The following PRELID2 variants were observed in gnomAD, a reference collection of about 807,000 sequenced individuals.
PRELID2 encodes the protein PRELI domain containing 2.
PRELID2 carries 25 observed loss-of-function variants against 28.4 expected under a neutral mutation model. The observed-to-expected ratio is 0.88, with a 90% confidence interval of 0.64 to 1.23. PRELID2 has a LOEUF of 1.23. PRELID2 is among the 50% of genes most tolerant of loss of function. PRELID2 has a pLI of 0.00. For missense variants in PRELID2, 201 were observed against 214.4 expected (o/e 0.94, Z 0.39); for synonymous variants, 76 against 71.6 (o/e 1.06, Z -0.31).
the PRELID2 span, among the ~76,000 whole-genome samples, chr5:145,299,025 T>A: frequency 3.3e-5 from 5 of 152,092 alleles, no homozygotes; most frequent in Non-Finnish European, 7.4e-5. Context: ...TACTTATATA[T>A]TTCTAATTTT....
chr5:145,473,586 A>G (rs1293604784), intron 1 of PRELID2, among the ~76,000 whole-genome samples: 1 of 152,210 alleles, frequency 6.6e-6, no homozygotes, highest in African/African-American at 2.4e-5. Context: ...TATTATTATT[A>G]CTATTACTCT....
chr5:145,316,664 C>G, the PRELID2 span, among the ~76,000 whole-genome samples: 1 of 152,110 alleles, frequency 6.6e-6, no homozygotes, highest in Non-Finnish European at 1.5e-5. Flanking sequence ...TGAACTTAGG[C>G]CTAGATCTGA....
downstream of PRELID2, among the ~76,000 whole-genome samples, chr5:145,468,993 T>C (rs577909421): frequency 6.6e-6 from 1 of 152,148 alleles, no homozygotes; most frequent in East Asian, 1.9e-4. Flanking sequence ...CCTTATTTTA[T>C]TTTTAAGTTA....
In PRELID2 at chr5:145,759,647, T is replaced by C. The variant is rs1413847909; in HGVS notation, c.*889A>G. The C allele has an allele frequency of 2.0e-5, 3 of 152,228 alleles. No individual in the cohort carries two copies. The highest frequency in any genetic ancestry group is 2.9e-5 in the Non-Finnish European group (2 of 68,050). The allele number at this position is 152,228 out of a possible 1,614,324, so 9.4% of individuals were successfully genotyped here. ...TCAGAAAGATTTAAAATTGTGTTCA[T>C]GATCACTGAGCAAGTAGGTGCCAGC... is the stretch of plus-strand genomic sequence containing the variant. On this transcript the variant is annotated 3_prime_UTR_variant, in exon 7 of 7. Coordinates refer to ENST00000683046, the MANE Select transcript of PRELID2 (RefSeq NM_205846.3).
the PRELID2 span, among the ~76,000 whole-genome samples, chr5:145,378,283 A>G: frequency 6.6e-6 from 1 of 151,998 alleles, no homozygotes; most frequent in Non-Finnish European, 1.5e-5. Context: ...ATCTTTTTTG[A>G]AGTATCTTAC....
At chr5:145,646,599 T>C (rs945808767) in intron 1 of PRELID2, among the ~76,000 whole-genome samples, 1 of 152,216 alleles carries the variant, frequency 6.6e-6, no homozygotes, top group South Asian at 2.1e-4. Flanking sequence ...TTTGATCCTT[T>C]GGAGGAAAAA....
chr5:145,252,726 T>A, the PRELID2 span, among the ~76,000 whole-genome samples: 395 of 152,144 alleles, frequency 2.6e-3, 1 homozygote, highest in African/African-American at 9.3e-3. Context: ...GGAGTTATTG[T>A]TTAAAAGGTA....
the PRELID2 span, among the ~76,000 whole-genome samples, chr5:145,342,378 C>A: frequency 1.3e-5 from 2 of 152,032 alleles, no homozygotes; most frequent in Non-Finnish European, 2.9e-5. Context: ...GATAACACTG[C>A]AGAAACCCAC....
At chr5:145,379,838 C>T in the PRELID2 span, among the ~76,000 whole-genome samples, 1 of 152,020 alleles carries the variant, frequency 6.6e-6, no homozygotes, top group Admixed American at 6.5e-5. Flanking sequence ...ATGGTGTGGG[C>T]CCCGAGAGCA....
chr5:145,651,164 C>T (rs1754289999), intron 1 of PRELID2, among the ~76,000 whole-genome samples: 1 of 152,184 alleles, frequency 6.6e-6, no homozygotes. Flanking sequence ...TCATTACTAG[C>T]ACAGCAGTCT....
chr5:145,637,167 A>G (rs1446415569), intron 1 of PRELID2, among the ~76,000 whole-genome samples: 5 of 152,214 alleles, frequency 3.3e-5, no homozygotes, highest in Non-Finnish European at 5.9e-5. Flanking sequence ...AAAGGTCTTC[A>G]GGTATACTGA....
At position 145,514,975 on chromosome 5, in the gene PRELID2, C is replaced by T. The variant is rs1472964122; in HGVS notation, n.71-41660G>A. Among the ~76,000 whole-genome samples the T allele has an allele frequency of 6.6e-5, 10 of 152,124 alleles. No homozygotes were observed. In the East Asian group the frequency reaches 1.5e-3, roughly 23 times the overall value. The stretch of plus-strand genomic sequence containing the variant: ...GAAACCAATGAGAACAAAGATACAA[C>T]GTACCAGAATCTCTAGGACATAGCT... On this transcript the variant is annotated intron_variant and non_coding_transcript_variant, in intron 1 of 2. Transcript: ENST00000510259.
the PRELID2 span, among the ~76,000 whole-genome samples, chr5:145,301,930 C>CTTTTTTTTTTT: frequency 1.7e-4 from 19 of 110,174 alleles, no homozygotes; most frequent in East Asian, 2.7e-4. Flanking sequence ...TTATTCATTT[C>CTTTTTTTTTTT]TTTTTTTTTT....
At chr5:145,554,915 G>T (rs990503974) in intron 1 of PRELID2, among the ~76,000 whole-genome samples, 1 of 152,102 alleles carries the variant, frequency 6.6e-6, no homozygotes, top group Non-Finnish European at 1.5e-5. Context: ...AGAGTTTTAG[G>T]CAATTCAAGC....
chr5:145,296,836 C>A, the PRELID2 span, among the ~76,000 whole-genome samples: 3 of 152,194 alleles, frequency 2.0e-5, no homozygotes, highest in Admixed American at 2.0e-4. Flanking sequence ...TATTTCTCCA[C>A]ATCCTCTCCA....
the PRELID2 span, among the ~76,000 whole-genome samples, chr5:145,373,338 A>G: frequency 9.7e-6 from 1 of 102,674 alleles, no homozygotes; most frequent in East Asian, 2.4e-4. Context: ...TATACGATAT[A>G]TATTACAACA....
intron 1 of PRELID2, among the ~76,000 whole-genome samples, chr5:145,732,418 A>G (rs1756371492): frequency 6.6e-6 from 1 of 152,246 alleles, no homozygotes; most frequent in Non-Finnish European, 1.5e-5. Context: ...AGTGTTGTCC[A>G]ATAGAACTTT....
chr5:145,264,969 TAAAAAA>T, the PRELID2 span, among the ~76,000 whole-genome samples: 1 of 56,876 alleles, frequency 1.8e-5, no homozygotes, highest in East Asian at 6.3e-4. Flanking sequence ...AGTGCAACTC[TAAAAAA>T]AAAAAAAAAA....
chr5:145,804,213 C>T (rs987584524), intron 4 of PRELID2, among the ~76,000 whole-genome samples: 1 of 152,152 alleles, frequency 6.6e-6, no homozygotes, highest in African/African-American at 2.4e-5. Flanking sequence ...TCCCTTAAAA[C>T]ATGGTATTTA....
Sources: allele counts gnomAD v4.1 joint callset (sites outside exome capture counted in the v4.1 genomes callset), GRCh38; gene constraint gnomAD v4.1.1; transcripts MANE v1.5; gene names NCBI Gene and HGNC (gene_info 2026-07-23, HGNC 2026-07-21).